The following WFS1 variants were observed in gnomAD, a reference collection of about 807,000 sequenced individuals.
The protein encoded by WFS1 is wolframin.
In WFS1, 90 loss-of-function variants were observed where a neutral mutation model predicts 68.5. The observed-to-expected ratio is 1.31, with a 90% CI of 1.11 to 1.56. The LOEUF (loss-of-function observed/expected upper bound fraction) is 1.56. Ranked by LOEUF, WFS1 falls within the 40% of genes most tolerant of loss-of-function variation. The pLI, the probability that WFS1 is intolerant of heterozygous loss-of-function variation, is 0.00. For synonymous variants in WFS1, 860 were observed against 540.7 expected (o/e 1.59, Z -8.19); for missense variants, 1,767 against 1,232.6 (o/e 1.43, Z -6.49).
chr4:6,286,283 G>A (rs910966766), intron 2 of WFS1, among the ~76,000 whole-genome samples: 2 of 152,202 alleles, frequency 1.3e-5, no homozygotes, highest in African/African-American at 4.8e-5. Flanking sequence ...GGCCTTTGGA[G>A]GTGATGAATC....
Position 6,283,574 on chromosome 4 carries a change from C to T in WFS1, c.233-3519C>T, listed in dbSNP as rs1730224035. Reference sequence around the variant, plus strand: ...GGGGCTCTGCCCACAGGGTGACCTTCCACAGTTCAAGCTGGCATCCACGTG... The same window carrying T: ...GGGGCTCTGCCCACAGGGTGACCTTTCACAGTTCAAGCTGGCATCCACGTG... On this transcript the variant is annotated intron_variant, in intron 2 of 7. Transcript: ENST00000226760. The surrounding 1 kb of genome is among the most constrained non-coding windows in gnomAD (Gnocchi z 5.0). 6.6e-6 allele frequency among the ~76,000 whole-genome samples: 1 copy of T among 152,210 alleles called. No homozygotes were observed. The highest frequency in any genetic ancestry group is 2.1e-4 in the South Asian group (1 of 4,826).
intron 1 of WFS1, among the ~76,000 whole-genome samples, chr4:6,272,899 T>C (rs1189893589): frequency 6.6e-6 from 1 of 152,242 alleles, no homozygotes; most frequent in Non-Finnish European, 1.5e-5. Flanking sequence ...GTTTACCAGC[T>C]GTACAGCGTT....
intron 1 of WFS1, among the ~76,000 whole-genome samples, chr4:6,272,644 C>T (rs1018267076): frequency 7.2e-5 from 11 of 152,202 alleles, no homozygotes; most frequent in African/African-American, 2.4e-4. Flanking sequence ...AAAAACATCA[C>T]ACATTCATTA....
chr4:6,296,506 G>T (rs1474862303), intron 7 of WFS1, among the ~76,000 whole-genome samples: 1 of 152,250 alleles, frequency 6.6e-6, no homozygotes, highest in South Asian at 2.1e-4. Context: ...TTTACTGATG[G>T]TCTGCTCAGA....
Position 6,295,204 on chromosome 4 carries a change from C to G in WFS1, c.861+15C>G. On this transcript the variant is annotated intron_variant, in intron 7 of 7. Coordinates refer to ENST00000226760, the MANE Select transcript of WFS1 (RefSeq NM_006005.3). ...TGCGTCTGAAGGTGAGTGACCAAGACCCCGGTCAGGCCGGAGCCTGCCTCC... is the reference window on the plus strand; with the variant it reads ...TGCGTCTGAAGGTGAGTGACCAAGAGCCCGGTCAGGCCGGAGCCTGCCTCC... The G allele has an allele frequency of 1.2e-6, 2 of 1,610,862 alleles. No individual in the cohort carries two copies. The highest frequency in any genetic ancestry group is 2.2e-5 in the South Asian group (2 of 91,000).
chr4:6,295,607 G>A (rs558541215), intron 7 of WFS1, among the ~76,000 whole-genome samples: 25 of 152,354 alleles, frequency 1.6e-4, no homozygotes, highest in African/African-American at 4.6e-4. Context: ...TGCCGTGTCC[G>A]TCAGGCCAGG....
At position 6,301,415 on chromosome 4, in the gene WFS1, G is replaced by C; in HGVS notation, c.1620G>C (p.Trp540Cys). 1 of 1,612,464 alleles carries C rather than the reference G, an allele frequency of 6.2e-7. No homozygotes were observed. Among genetic ancestry groups the C allele is most frequent in the African/African-American group, 1.3e-5 (1 of 75,072 alleles). ...TGCCCTACCTGGTGTGCTTCATGTG[G>C]TGTGAGCTCTCCGTGGTCATCCTGC... ...YLVPYLVCFM[W>C]CELSVVILLE... The change falls in exon 8 of 8, where the codon TGG becomes TGC. Residue 540 changes from tryptophan (W) to cysteine (C), a missense_variant. Physicochemically the swap from Trp to Cys is radical, Grantham distance 215. Coordinates refer to ENST00000226760, the MANE Select transcript of WFS1 (RefSeq NM_006005.3).
chr4:6,286,381 GC>G (rs1182864790), intron 2 of WFS1, among the ~76,000 whole-genome samples: 1 of 152,178 alleles, frequency 6.6e-6, no homozygotes, highest in Non-Finnish European at 1.5e-5. Context: ...TGAGGACACA[GC>G]CAGAAGACCT....
rs112519557 is a variant in WFS1 at position 6,277,917 on chromosome 4, C to A, written c.232+230C>A. ...CGAGGTGGTGCTGGTGCCCCCACTC[C>A]TCTGCAGTCCTTCTCTTCCCAGGGC... On this transcript the variant is annotated intron_variant, in intron 2 of 7. Coordinates refer to ENST00000226760, the MANE Select transcript of WFS1 (RefSeq NM_006005.3). Among the ~76,000 whole-genome samples, 295 of 152,384 alleles carry A rather than the reference C, an allele frequency of 1.9e-3. 2 individuals are homozygous for A. The highest frequency in any genetic ancestry group is 3.6e-3 in the Non-Finnish European group (247 of 68,032).
intron 3 of WFS1, among the ~76,000 whole-genome samples, chr4:6,288,311 G>A (rs1730369194): frequency 6.6e-6 from 1 of 152,240 alleles, no homozygotes; most frequent in South Asian, 2.1e-4. Context: ...TTTGGAGGCG[G>A]GGGGAGCATA....
rs557437645 is a variant in WFS1 at position 6,302,523 on chromosome 4, G to A, written c.*55G>A. 8.1e-6 allele frequency: 13 copies of A among 1,605,174 alleles called. No homozygotes were observed. In the African/African-American group the frequency reaches 9.3e-5, roughly 12 times the overall value. On this transcript the variant is annotated 3_prime_UTR_variant, in exon 8 of 8. Coordinates refer to ENST00000226760, the MANE Select transcript of WFS1 (RefSeq NM_006005.3). ...CATGTTGCCATGAGGCCTTTCCCCA[G>A]TGTGGCCCCAGCCCGACAGGCATGC...
intron 2 of WFS1, among the ~76,000 whole-genome samples, chr4:6,284,576 G>C (rs773615900): frequency 2.0e-5 from 3 of 151,912 alleles, no homozygotes; most frequent in Admixed American, 6.6e-5. Context: ...GTCAAGTAAG[G>C]AGACTTGAAT....
At chr4:6,278,947 G>C (rs1730076252) in intron 2 of WFS1, among the ~76,000 whole-genome samples, 1 of 152,244 alleles carries the variant, frequency 6.6e-6, no homozygotes, top group African/African-American at 2.4e-5. Flanking sequence ...GTCCAAGACT[G>C]TGTGTTTCAG....
In WFS1 at chr4:6,291,981, C is replaced by T. The variant is rs766777869; in HGVS notation, c.696C>T (p.Arg232=). The change falls in exon 6 of 8, where the codon CGC becomes CGT. Residue 232 remains arginine, a synonymous_variant. Transcript: ENST00000226760. ...SLQKQRRMLE[R]LVSSESKNYI... is the part of the protein sequence containing the mutation. ...AGAAGCAGAGGCGCATGCTGGAGCGCCTGGTCAGCAGCGAGTGTGAGTGCA... is the reference window on the plus strand; with the variant it reads ...AGAAGCAGAGGCGCATGCTGGAGCGTCTGGTCAGCAGCGAGTGTGAGTGCA... The T allele has an allele frequency of 1.3e-5, 21 of 1,608,682 alleles. No homozygotes were observed. In the South Asian group the frequency reaches 2.2e-4, roughly 17 times the overall value.
intron 2 of WFS1, among the ~76,000 whole-genome samples, chr4:6,280,524 C>T (rs1160686994): frequency 6.6e-6 from 1 of 152,196 alleles, no homozygotes; most frequent in African/African-American, 2.4e-5. Flanking sequence ...TGCGAGTCCA[C>T]GCCCTGGCAG....
intron 2 of WFS1, among the ~76,000 whole-genome samples, chr4:6,281,030 C>T (rs549173705): frequency 2.1e-4 from 32 of 152,232 alleles, no homozygotes; most frequent in Non-Finnish European, 4.1e-4. Flanking sequence ...TATGCCCTTT[C>T]TGTTGACCCC....
intron 2 of WFS1, among the ~76,000 whole-genome samples, chr4:6,284,028 C>A (rs184747452): frequency 3.4e-4 from 52 of 152,070 alleles, no homozygotes; most frequent in Non-Finnish European, 6.5e-4. Flanking sequence ...GACGAGCCCA[C>A]CACTGCCATA....
At position 6,300,029 on chromosome 4, in the gene WFS1, T is replaced by C. The variant is rs138704001; in HGVS notation, c.862-628T>C. 7.1e-3 allele frequency among the ~76,000 whole-genome samples: 1,076 copies of C among 151,884 alleles called. 21 individuals are homozygous for C. Among genetic ancestry groups the C allele is most frequent in the African/African-American group, 0.024 (995 of 41,294 alleles). On this transcript the variant is annotated intron_variant, in intron 7 of 7. Coordinates refer to ENST00000226760, the MANE Select transcript of WFS1 (RefSeq NM_006005.3). Reference sequence around the variant, plus strand: ...AGCTGCTTCTCAGGGTCTCCGGCCATAGGGAGGGCAGCTCACCCGGCAGCC... The same window carrying C: ...AGCTGCTTCTCAGGGTCTCCGGCCACAGGGAGGGCAGCTCACCCGGCAGCC...
At chr4:6,292,145 G>C in intron 6 of WFS1, 148 bp downstream of exon 6, 1 of 832,674 alleles carries the variant, frequency 1.2e-6, no homozygotes, top group Non-Finnish European at 2.0e-6. Flanking sequence ...TCCTTCCTGT[G>C]CGACCCCATC....
Sources: allele counts gnomAD v4.1 joint callset (sites outside exome capture counted in the v4.1 genomes callset), GRCh38; gene constraint gnomAD v4.1.1; non-coding constraint Gnocchi (gnomAD v3.1); transcripts MANE v1.5; gene names NCBI Gene and HGNC (gene_info 2026-07-23, HGNC 2026-07-21).